CCDC85A: variants seen among roughly 807,000 people sequenced by gnomAD.
CCDC85A encodes coiled-coil domain-containing protein 85A.
Under a neutral mutation model 50.2 loss-of-function variants are expected in CCDC85A, and 38 were observed. The ratio of observed to expected loss-of-function variants is 0.76; its 90% confidence interval spans 0.58 to 0.99. CCDC85A has a LOEUF of 0.99. Among genes scored for constraint, CCDC85A ranks in the 50% least tolerant of loss-of-function variants. The probability of loss-of-function intolerance (pLI) is 0.00; values close to 1 mark genes in which losing one functional copy is unlikely to be tolerated. For missense variants in CCDC85A, 820 were observed against 742.0 expected (o/e 1.11, Z -1.22); for synonymous variants, 366 against 301.4 (o/e 1.21, Z -2.22).
intron 2 of CCDC85A, among the ~76,000 whole-genome samples, chr2:56,301,935 A>ATT (rs1672224100): frequency 6.6e-6 from 1 of 152,136 alleles, no homozygotes; most frequent in East Asian, 1.9e-4. Context: ...CTGCACATGT[A>ATT]TTTCAGAACT....
intron 2 of CCDC85A, among the ~76,000 whole-genome samples, chr2:56,251,037 C>T (rs778790777): frequency 2.0e-5 from 3 of 151,954 alleles, no homozygotes; most frequent in Non-Finnish European, 4.4e-5. Context: ...TCATTTTATA[C>T]GTTTCTGGTC....
intron 4 of CCDC85A, among the ~76,000 whole-genome samples, chr2:56,373,313 C>A (rs1019314949): frequency 5.3e-5 from 8 of 151,828 alleles, no homozygotes; most frequent in Non-Finnish European, 1.2e-4. Flanking sequence ...AATTTCCCCC[C>A]ACTGTATACT....
chr2:56,384,526 C>T lies in CCDC85A; in HGVS notation c.*171C>T. ...CTGTAGTACAACTTCTCCCCTCAAGCTGATATTCTGTGTCTCTCACCTCAA... is the reference window on the plus strand; with the variant it reads ...CTGTAGTACAACTTCTCCCCTCAAGTTGATATTCTGTGTCTCTCACCTCAA... On this transcript the variant is annotated 3_prime_UTR_variant, in exon 6 of 6. Coordinates refer to ENST00000407595, the MANE Select transcript of CCDC85A (RefSeq NM_001080433.2). 1.8e-6 allele frequency: 1 copy of T among 569,172 alleles called. No individual in the cohort carries two copies. Among genetic ancestry groups the T allele is most frequent in the Non-Finnish European group, 3.1e-6 (1 of 318,910 alleles). The allele number at this position is 569,172 out of a possible 1,614,324, so 35.3% of individuals were successfully genotyped here.
chr2:56,295,103 A>G (rs773322971), intron 2 of CCDC85A, among the ~76,000 whole-genome samples: 6 of 151,802 alleles, frequency 4.0e-5, no homozygotes, highest in Non-Finnish European at 5.9e-5. Context: ...CTGTGCTTAG[A>G]TTTTCACTGA....
At chr2:56,223,015 C>T (rs909713252) in intron 2 of CCDC85A, among the ~76,000 whole-genome samples, 6 of 152,056 alleles carry the variant, frequency 3.9e-5, no homozygotes, top group Admixed American at 6.6e-5. Flanking sequence ...TACCTACCTA[C>T]GCGTAAGTGC....
intron 3 of CCDC85A, among the ~76,000 whole-genome samples, chr2:56,354,877 C>A (rs1350539784): frequency 6.6e-6 from 1 of 152,126 alleles, no homozygotes; most frequent in East Asian, 1.9e-4. Context: ...TCAATGGAGT[C>A]TTTTGAAAAA....
intron 2 of CCDC85A, among the ~76,000 whole-genome samples, chr2:56,300,078 G>A (rs139741940): frequency 6.6e-6 from 1 of 152,240 alleles, no homozygotes; most frequent in East Asian, 1.9e-4. Context: ...GAAACAGAGA[G>A]TACACATAGA....
chr2:56,354,745 T>C (rs554922725), intron 3 of CCDC85A, among the ~76,000 whole-genome samples: 9 of 152,342 alleles, frequency 5.9e-5, no homozygotes, highest in African/African-American at 2.2e-4. Flanking sequence ...AAATAAATTA[T>C]AGGTGTTAGC....
intron 2 of CCDC85A, among the ~76,000 whole-genome samples, chr2:56,231,251 G>A (rs1335894600): frequency 6.6e-6 from 1 of 152,152 alleles, no homozygotes; most frequent in Non-Finnish European, 1.5e-5. Context: ...TAATCATAGT[G>A]TCCCTAGCCT....
In CCDC85A at chr2:56,184,303, C is replaced by G. The variant is rs1197011630; in HGVS notation, c.-322C>G. 19 of 642,604 alleles carry G rather than the reference C, an allele frequency of 3.0e-5. No individual in the cohort carries two copies. The highest frequency in any genetic ancestry group is 3.9e-5 in the Non-Finnish European group (19 of 490,256). 39.8% of individuals were successfully genotyped at this position (642,604 alleles called of 1,614,324 possible). A position where few individuals can be genotyped will look rare whatever the true frequency, so the allele number is the denominator to read the frequency against. ...CAGGGGAACGGCGGTGCAGCTCCCC[C>G]GCTGTCCCCGAGGATTTCCCGCGGC... On this transcript the variant is annotated 5_prime_UTR_variant, in exon 1 of 6. Coordinates refer to ENST00000407595, the MANE Select transcript of CCDC85A (RefSeq NM_001080433.2).
At chr2:56,361,737 A>G (rs746602429) in intron 3 of CCDC85A, among the ~76,000 whole-genome samples, 10 of 152,186 alleles carry the variant, frequency 6.6e-5, no homozygotes, top group Non-Finnish European at 1.2e-4. Context: ...GGAAGACCCT[A>G]TGTGCTCTGT....
At position 56,184,528 on chromosome 2, in the gene CCDC85A, GC is replaced by G; in HGVS notation, c.-96del. 7.8e-7 allele frequency: 1 copy of G among 1,284,386 alleles called. No individual in the cohort carries two copies. The highest frequency in any genetic ancestry group is 9.9e-7 in the Non-Finnish European group (1 of 1,005,842). The allele number at this position is 1,284,386 out of a possible 1,614,324, so 79.6% of individuals were successfully genotyped here. The stretch of plus-strand genomic sequence containing the variant: ...GGCGGTGCCGCTGACTCGCCGGAGC[GC>G]ACAGGGGTGTGGGCGGAGGCGGCCT... On this transcript the variant is annotated 5_prime_UTR_variant, in exon 1 of 6. Transcript: ENST00000407595.
intron 2 of CCDC85A, among the ~76,000 whole-genome samples, chr2:56,239,429 C>T (rs932267343): frequency 6.6e-6 from 1 of 151,982 alleles, no homozygotes; most frequent in African/African-American, 2.4e-5. Flanking sequence ...CTGGCCTGTT[C>T]CTATTCCCTC....
At chr2:56,383,878 T>C (rs148159671) in intron 5 of CCDC85A, 12,321 of 486,774 alleles carry the variant, frequency 0.025, 214 homozygotes, top group Non-Finnish European at 0.03. Context: ...CTTTTAGAGC[T>C]TTTTTTAAAA....
At chr2:56,247,224 G>A (rs1669550829) in intron 2 of CCDC85A, among the ~76,000 whole-genome samples, 1 of 152,178 alleles carries the variant, frequency 6.6e-6, no homozygotes, top group Admixed American at 6.5e-5. Flanking sequence ...GGGCTCTCTT[G>A]ATATTGGGTT....
At chr2:56,320,436 A>C (rs1161257455) in intron 2 of CCDC85A, among the ~76,000 whole-genome samples, 1 of 152,196 alleles carries the variant, frequency 6.6e-6, no homozygotes, top group African/African-American at 2.4e-5. Flanking sequence ...AAATAGATGC[A>C]ATAAAAAATG....
At chr2:56,281,125 A>G (rs140371820) in intron 2 of CCDC85A, among the ~76,000 whole-genome samples, 6 of 152,256 alleles carry the variant, frequency 3.9e-5, no homozygotes, top group African/African-American at 7.2e-5. Context: ...GGTGGCCACT[A>G]TTCTTATTTA....
chr2:56,198,979 T>G (rs1341864334), intron 2 of CCDC85A, among the ~76,000 whole-genome samples: 1 of 152,214 alleles, frequency 6.6e-6, no homozygotes, highest in Non-Finnish European at 1.5e-5. Context: ...TTCAACTGAT[T>G]ATAATCCTGT....
At chr2:56,335,643 T>G (rs933758978) in intron 2 of CCDC85A, among the ~76,000 whole-genome samples, 5 of 150,354 alleles carry the variant, frequency 3.3e-5, no homozygotes, top group African/African-American at 1.2e-4. Flanking sequence ...GCCCTGTCAC[T>G]CAGGCTGGAG....
Sources: allele counts gnomAD v4.1 joint callset (sites outside exome capture counted in the v4.1 genomes callset), GRCh38; gene constraint gnomAD v4.1.1; transcripts MANE v1.5; gene names NCBI Gene and HGNC (gene_info 2026-07-23, HGNC 2026-07-21).